The following NTRK3 variants were observed in gnomAD, a reference collection of about 807,000 sequenced individuals.
The protein encoded by NTRK3 is NT-3 growth factor receptor.
A neutral mutation model predicts 91.7 loss-of-function variants in NTRK3; 24 were observed. That is an observed-to-expected ratio of 0.26 (90% CI 0.19 to 0.37). NTRK3 has a LOEUF of 0.37. Among genes scored for constraint, NTRK3 ranks in the 10% least tolerant of loss-of-function variants. NTRK3 has a pLI of 1.00. For synonymous variants in NTRK3, 483 were observed against 404.0 expected, an observed-to-expected ratio of 1.20 and a Z score of -2.34; for missense variants, 880 against 1,068.9, an observed-to-expected ratio of 0.82 and a Z score of 2.46.
chr15:88,209,033 T>C (rs901156932), intron 3 of NTRK3, among the ~76,000 whole-genome samples: 8 of 152,130 alleles, frequency 5.3e-5, no homozygotes, highest in Admixed American at 2.6e-4. Flanking sequence ...ATAAGGGAAA[T>C]AAATCTATGT....
rs925989359 is a variant in NTRK3, at chr15:88,249,719, C to G, written c.248+6187G>C. ...TGTTAGCCTCACTGGAGTCTTCACT[C>G]CTTATGACCCAACCCATCAACGAGC... On this transcript the variant is annotated intron_variant, in intron 3 of 18. Transcript: ENST00000394480. 3.7e-4 allele frequency among the ~76,000 whole-genome samples: 56 copies of G among 152,160 alleles called. 1 individual carries two copies. The highest frequency in any genetic ancestry group is 3.7e-3 in the Admixed American group (56 of 15,272).
intron 5 of NTRK3, among the ~76,000 whole-genome samples, chr15:88,171,042 A>T (rs1211063597): frequency 6.6e-6 from 1 of 152,166 alleles, no homozygotes; most frequent in East Asian, 1.9e-4. Flanking sequence ...ATCACGGAAA[A>T]AGCCAAAGGC....
chr15:88,218,081 G>A (rs1411276251), intron 3 of NTRK3, among the ~76,000 whole-genome samples: 2 of 152,090 alleles, frequency 1.3e-5, no homozygotes, highest in Non-Finnish European at 2.9e-5. Flanking sequence ...CCCACTGTGG[G>A]GGCCCAGAAC....
rs775856187 is a variant in NTRK3 at position 88,240,061 on chromosome 15, C to G, written c.248+15845G>C. 2.0e-5 allele frequency among the ~76,000 whole-genome samples: 3 copies of G among 151,156 alleles called. No individual in the cohort carries two copies. The highest frequency in any genetic ancestry group is 2.9e-5 in the Non-Finnish European group (2 of 67,988). Reference sequence around the variant, plus strand: ...ACACAGCGACACACACAGACACACACACACACACACACAGGAACAAGGTTC... The same window carrying G: ...ACACAGCGACACACACAGACACACAGACACACACACACAGGAACAAGGTTC... On this transcript the variant is annotated intron_variant, in intron 3 of 18. Transcript: ENST00000394480. This position sits in a 1 kb window ranked among gnomAD's most constrained non-coding sequence, Gnocchi z 4.9.
intron 14 of NTRK3, among the ~76,000 whole-genome samples, chr15:87,990,167 T>C (rs2075175982): frequency 6.6e-6 from 1 of 152,128 alleles, no homozygotes; most frequent in African/African-American, 2.4e-5. Flanking sequence ...CAGTTCATGG[T>C]CTCAAAGCTA....
At chr15:88,051,033 A>C (rs548291427) in intron 13 of NTRK3, among the ~76,000 whole-genome samples, 1 of 152,332 alleles carries the variant, frequency 6.6e-6, no homozygotes, top group East Asian at 1.9e-4. Context: ...TTCATTCATA[A>C]ACATGTACAA....
intron 17 of NTRK3, among the ~76,000 whole-genome samples, chr15:87,882,077 G>A (rs2065287115): frequency 1.3e-5 from 2 of 151,962 alleles, no homozygotes; most frequent in Non-Finnish European, 2.9e-5. Flanking sequence ...TGTATTTTCA[G>A]TAGAGACGGG....
chr15:88,056,759 G>A (rs2045731150), intron 13 of NTRK3, among the ~76,000 whole-genome samples: 1 of 152,218 alleles, frequency 6.6e-6, no homozygotes, highest in African/African-American at 2.4e-5. Context: ...CCATTGGGGT[G>A]ACTCCACAGA....
chr15:88,118,439 G>A (rs2052347738), intron 13 of NTRK3, among the ~76,000 whole-genome samples: 1 of 152,108 alleles, frequency 6.6e-6, no homozygotes, highest in Admixed American at 6.6e-5. Flanking sequence ...AAAAACATTT[G>A]GAACAAAGAA....
chr15:87,859,871 T>C (rs1254219524), exon 19 of NTRK3: 1 of 182,112 alleles, frequency 5.5e-6, no homozygotes, highest in Non-Finnish European at 1.2e-5. Context: ...GAAGATATGA[T>C]ACTATGAGAA....
intron 3 of NTRK3, among the ~76,000 whole-genome samples, chr15:88,203,537 G>T (rs115264428): frequency 6.6e-6 from 1 of 152,148 alleles, no homozygotes; most frequent in African/African-American, 2.4e-5. Context: ...GAGGTTGAGC[G>T]ACCTTCTCAA....
intron 17 of NTRK3, among the ~76,000 whole-genome samples, chr15:87,920,608 C>T (rs2067785565): frequency 6.6e-6 from 1 of 152,178 alleles, no homozygotes. Flanking sequence ...GATGGCTGCC[C>T]CAGACTGCAC....
At chr15:88,011,479 TA>T (rs1466401006) in intron 14 of NTRK3, among the ~76,000 whole-genome samples, 1 of 152,238 alleles carries the variant, frequency 6.6e-6, no homozygotes, top group Non-Finnish European at 1.5e-5. Flanking sequence ...TACCTTCCTA[TA>T]ATTTCAGAAC....
intron 17 of NTRK3, among the ~76,000 whole-genome samples, chr15:87,883,987 GA>G (rs397829494): frequency 2.1e-3 from 287 of 136,888 alleles, no homozygotes; most frequent in African/African-American, 5.5e-3. Context: ...GATTCAGCAA[GA>G]AAAAAAAAAA....
At chr15:88,163,560 A>G (rs2044660106) in intron 5 of NTRK3, among the ~76,000 whole-genome samples, 1 of 152,210 alleles carries the variant, frequency 6.6e-6, no homozygotes, top group South Asian at 2.1e-4. Flanking sequence ...CCTGGAGTAA[A>G]ACGACAGCTT....
At chr15:88,209,008 C>G (rs2049020901) in intron 3 of NTRK3, among the ~76,000 whole-genome samples, 1 of 152,096 alleles carries the variant, frequency 6.6e-6, no homozygotes, top group Non-Finnish European at 1.5e-5. Context: ...CTGCCCACAG[C>G]AAACTTGAAG....
At chr15:88,072,777 G>A in intron 13 of NTRK3, 1 of 233,190 alleles carries the variant, frequency 4.3e-6, no homozygotes, top group Non-Finnish European at 8.5e-6. Flanking sequence ...AGGACTGCCA[G>A]GCTGAGGAGC....
intron 18 of NTRK3, among the ~76,000 whole-genome samples, chr15:87,879,524 C>T (rs1596058765): frequency 6.6e-6 from 1 of 152,132 alleles, no homozygotes; most frequent in African/African-American, 2.4e-5. Flanking sequence ...CCCTGGCCAG[C>T]CCATTTCAGT....
At chr15:87,919,760 C>G (rs2067721228) in intron 17 of NTRK3, among the ~76,000 whole-genome samples, 1 of 152,164 alleles carries the variant, frequency 6.6e-6, no homozygotes, top group African/African-American at 2.4e-5. Flanking sequence ...AAACTTCAGT[C>G]ACTAAACTAG....
Sources: allele counts gnomAD v4.1 joint callset (sites outside exome capture counted in the v4.1 genomes callset), GRCh38; gene constraint gnomAD v4.1.1; non-coding constraint Gnocchi (gnomAD v3.1); transcripts MANE v1.5; gene names NCBI Gene and HGNC (gene_info 2026-07-23, HGNC 2026-07-21).